Variants in PRKAR1B observed in about 807,000 individuals in gnomAD.
PRKAR1B encodes the protein protein kinase cAMP-dependent type I regulatory subunit beta, also known as cAMP-dependent protein kinase type I-beta regulatory subunit.
Under a neutral mutation model 46.5 loss-of-function variants are expected in PRKAR1B, and 22 were observed. The observed-to-expected ratio is 0.47, with a 90% confidence interval of 0.34 to 0.68. PRKAR1B has a LOEUF of 0.68. Among genes scored for constraint, PRKAR1B ranks in the 30% least tolerant of loss-of-function variants. The pLI is 0.01. For synonymous variants in PRKAR1B, 259 were observed against 217.7 expected (o/e 1.19, Z -1.67); for missense variants, 445 against 535.6 (o/e 0.83, Z 1.67).
chr7:698,343 A>G (rs541855154), intron 2 of PRKAR1B, among the ~76,000 whole-genome samples: 23 of 152,310 alleles, frequency 1.5e-4, no homozygotes, highest in South Asian at 8.3e-4. Context: ...TGTACACAGG[A>G]GGGTGTGAGC....
At position 648,582 on chromosome 7, in the gene PRKAR1B, G is replaced by C. The variant is rs186025487; in HGVS notation, c.440+28647C>G. On this transcript the variant is annotated intron_variant, in intron 4 of 10. Transcript: ENST00000537384. ...GCCGAGATCACGCCACCGCACTCCA[G>C]CCTGGACAACAGAGTGAGACTCCGT... Among the ~76,000 whole-genome samples the C allele has an allele frequency of 4.1e-3, 624 of 152,296 alleles. 1 individual carries two copies. Among genetic ancestry groups the C allele is most frequent in the South Asian group, 0.02 (95 of 4,820 alleles).
At chr7:558,783 C>A (rs1012676705) in intron 9 of PRKAR1B, among the ~76,000 whole-genome samples, 1 of 152,172 alleles carries the variant, frequency 6.6e-6, no homozygotes, top group African/African-American at 2.4e-5. Context: ...GAAGGAAAAC[C>A]AGCCAAGGTC....
intron 4 of PRKAR1B, among the ~76,000 whole-genome samples, chr7:616,749 G>T (rs1050504358): frequency 6.6e-6 from 1 of 152,172 alleles, no homozygotes; most frequent in African/African-American, 2.4e-5. Flanking sequence ...AGTCATGCCC[G>T]CGGCATCGAT....
chr7:550,556 C>T lies in PRKAR1B; in HGVS notation c.1020G>A (p.Val340=), dbSNP rs898136176. The T allele has an allele frequency of 1.2e-6, 2 of 1,601,220 alleles. No individual in the cohort carries two copies. The highest frequency in any genetic ancestry group is 2.7e-5 in the African/African-American group (2 of 74,346). The part of the protein sequence containing the change: ...LLNRPRAATV[V]ARGPLKCVKL... ...TCACACACTTGAGGGGCCCCCGGGC[C>T]ACGACAGTGGCCGCCCGGGGCCGGT... The change falls in exon 11 of 11, where the codon GTG becomes GTA. Residue 340 remains valine (V), a synonymous_variant. Transcript: ENST00000537384.
rs529762045 is a variant in PRKAR1B at position 615,753 on chromosome 7, G to A, written c.441-8301C>T. Among the ~76,000 whole-genome samples, 935 of 149,736 alleles carry A rather than the reference G, an allele frequency of 6.2e-3. 10 individuals carry two copies. The highest frequency in any genetic ancestry group is 0.021 in the African/African-American group (876 of 40,838). On this transcript the variant is annotated intron_variant, in intron 4 of 10. Transcript: ENST00000537384. ...TGAGGCAGGAGAATGGCATGAACCC[G>A]GGAGGCAGAGCTTGCAGTGAGCCGA... is the stretch of plus-strand genomic sequence containing the variant.
intron 2 of PRKAR1B, among the ~76,000 whole-genome samples, chr7:706,585 ATT>A (rs754034242): frequency 3.5e-5 from 4 of 113,728 alleles, no homozygotes; most frequent in Non-Finnish European, 3.5e-5. Context: ...TGCCCAGCTA[ATT>A]TTTTTTTTTT....
intron 4 of PRKAR1B, chr7:608,292 A>G (rs1583295051): frequency 6.6e-6 from 1 of 152,032 alleles, no homozygotes; most frequent in Admixed American, 6.5e-5. Context: ...CCACGGGGAC[A>G]CTCCGAGGGT....
chr7:709,036 C>G (rs1780475804), intron 2 of PRKAR1B, among the ~76,000 whole-genome samples: 1 of 149,294 alleles, frequency 6.7e-6, no homozygotes, highest in South Asian at 2.1e-4. Flanking sequence ...CATGATCCAC[C>G]TGCCTCGGCC....
rs1403208453 is a variant in PRKAR1B at position 714,267 on chromosome 7, C to T, written c.-22-2740G>A. Among the ~76,000 whole-genome samples the T allele has an allele frequency of 6.6e-6, 1 of 152,182 alleles. No individual in the cohort carries two copies. Among genetic ancestry groups the T allele is most frequent in the Admixed American group, 6.5e-5 (1 of 15,276 alleles). On this transcript the variant is annotated intron_variant, in intron 1 of 10. Transcript: ENST00000537384. This position sits in a 1 kb window ranked among gnomAD's most constrained non-coding sequence, Gnocchi z 4.3. ...GGAGACTCCCTGTAAAGACTTCCCC[C>T]ACACCGTGCCTCTAGAGGAGAGTGG...
intron 8 of PRKAR1B, 31 bp from the exon 9 acceptor site, chr7:579,408 CG>C: frequency 1.2e-6 from 2 of 1,609,474 alleles, no homozygotes; most frequent in South Asian, 1.1e-5. Context: ...CAGGTCATCC[CG>C]GGGCCCACGC....
intron 9 of PRKAR1B, among the ~76,000 whole-genome samples, chr7:553,850 C>T (rs761936132): frequency 2.0e-5 from 3 of 152,254 alleles, no homozygotes; most frequent in South Asian, 2.1e-4. Context: ...CTGATCCGGC[C>T]GTGGGGCCAC....
intron 4 of PRKAR1B, among the ~76,000 whole-genome samples, chr7:658,333 G>T (rs1785319847): frequency 6.6e-6 from 1 of 152,166 alleles, no homozygotes; most frequent in Non-Finnish European, 1.5e-5. Context: ...CTACTAGGAG[G>T]CTGAGGCAGG....
chr7:571,456 A>G (rs979661439), intron 9 of PRKAR1B, among the ~76,000 whole-genome samples: 1 of 152,232 alleles, frequency 6.6e-6, no homozygotes, highest in African/African-American at 2.4e-5. Context: ...CTGATGAGCC[A>G]GGAAAAGTTC....
rs79850570 is a variant in PRKAR1B at position 666,093 on chromosome 7, A to G, written c.440+11136T>C. ...GCACAACACAAACACGCACGGTGCC[A>G]CCCAATTATCACGTTTCTCGGCTCC... On this transcript the variant is annotated intron_variant, in intron 4 of 10. Transcript: ENST00000537384. This position sits in a 1 kb window ranked among gnomAD's most constrained non-coding sequence, Gnocchi z 4.9. Among the ~76,000 whole-genome samples the G allele has an allele frequency of 0.091, 13,829 of 152,110 alleles. 1,755 individuals carry two copies. The highest frequency in any genetic ancestry group is 0.28 in the African/African-American group (11,759 of 41,438).
intron 6 of PRKAR1B, among the ~76,000 whole-genome samples, chr7:597,348 C>T (rs1275689230): frequency 6.6e-6 from 1 of 152,190 alleles, no homozygotes; most frequent in African/African-American, 2.4e-5. Context: ...CAAGTGAGCG[C>T]TGGGGAGAAC....
chr7:559,271 G>C (rs769417378), intron 9 of PRKAR1B, among the ~76,000 whole-genome samples: 6 of 152,180 alleles, frequency 3.9e-5, no homozygotes, highest in Non-Finnish European at 8.8e-5. Context: ...CACCAGCAAA[G>C]TGGCCTCTGA....
At chr7:683,174 G>A (rs913017608) in intron 2 of PRKAR1B, among the ~76,000 whole-genome samples, 2 of 152,184 alleles carry the variant, frequency 1.3e-5, no homozygotes, top group African/African-American at 4.8e-5. Flanking sequence ...TGAGACCACG[G>A]CTCTGAGATG....
At chr7:699,981 C>T (rs915409841) in intron 2 of PRKAR1B, among the ~76,000 whole-genome samples, 14 of 151,904 alleles carry the variant, frequency 9.2e-5, no homozygotes, top group Non-Finnish European at 2.9e-5. Flanking sequence ...GCGGCGTGGG[C>T]GGGGGAAGGG....
chr7:601,760 G>A (rs1781613804), intron 6 of PRKAR1B, among the ~76,000 whole-genome samples: 1 of 152,214 alleles, frequency 6.6e-6, no homozygotes, highest in Admixed American at 6.5e-5. Context: ...TTCCCGCAGG[G>A]GGCCCGGCCA....
Sources: allele counts gnomAD v4.1 joint callset (sites outside exome capture counted in the v4.1 genomes callset), GRCh38; gene constraint gnomAD v4.1.1; non-coding constraint Gnocchi (gnomAD v3.1); transcripts MANE v1.5; gene names NCBI Gene and HGNC (gene_info 2026-07-23, HGNC 2026-07-21).